Variants in RANBP2 observed in about 807,000 individuals in gnomAD.
RANBP2 encodes the protein RAN binding protein 2.
RANBP2 carries 57 observed loss-of-function variants against 303.6 expected under a neutral mutation model. The observed-to-expected ratio is 0.19, with a 90% CI of 0.15 to 0.23. RANBP2 has a LOEUF of 0.23. Ranked by LOEUF, RANBP2 falls within the 10% of genes least tolerant of loss-of-function variation. RANBP2 has a pLI of 1.00. For synonymous variants in RANBP2, 1,167 were observed against 1,301.5 expected, an observed-to-expected ratio of 0.90 and a Z score of 2.23; for missense variants, 3,138 against 3,780.8, an observed-to-expected ratio of 0.83 and a Z score of 4.46.
the RANBP2 span, among the ~76,000 whole-genome samples, chr2:109,046,005 T>C: frequency 1.3e-5 from 2 of 152,100 alleles, no homozygotes; most frequent in Non-Finnish European, 2.9e-5. Flanking sequence ...TATTAATTTA[T>C]ATTTTAAAAA....
chr2:109,170,224 C>T, the RANBP2 span, among the ~76,000 whole-genome samples: 2 of 72,052 alleles, frequency 2.8e-5, no homozygotes, highest in Admixed American at 1.6e-4. Context: ...TCTTTTTTCT[C>T]TTCTCTTCTC....
At chr2:109,142,021 C>T in the RANBP2 span, among the ~76,000 whole-genome samples, 1 of 148,850 alleles carries the variant, frequency 6.7e-6, no homozygotes, top group Non-Finnish European at 1.5e-5. Context: ...CCCAAGTCCT[C>T]TTCTGGGGTC....
chr2:109,249,711 G>A, the RANBP2 span, among the ~76,000 whole-genome samples: 3 of 150,128 alleles, frequency 2.0e-5, no homozygotes, highest in Non-Finnish European at 3.0e-5. Context: ...ACAGTGGTGC[G>A]ATCTCAGCTC....
chr2:109,078,098 A>ATATATATATATATAGCGTG, the RANBP2 span, among the ~76,000 whole-genome samples: 250 of 60,010 alleles, frequency 4.2e-3, 19 homozygotes, highest in East Asian at 0.016. Context: ...ATATATATAT[A>ATATATATATATATAGCGTG]TATATATATA....
At chr2:108,810,749 T>A in the RANBP2 span, among the ~76,000 whole-genome samples, 1 of 152,228 alleles carries the variant, frequency 6.6e-6, no homozygotes, top group Non-Finnish European at 1.5e-5. Flanking sequence ...TTTAAAAGTT[T>A]TAATTCAGCA....
At chr2:109,629,865 T>G in the RANBP2 span, among the ~76,000 whole-genome samples, 1 of 151,802 alleles carries the variant, frequency 6.6e-6, no homozygotes, top group Admixed American at 6.6e-5. Flanking sequence ...ACATACGTTA[T>G]GTACCCCGCT....
the RANBP2 span, among the ~76,000 whole-genome samples, chr2:108,851,504 A>G: frequency 6.6e-6 from 1 of 152,038 alleles, no homozygotes; most frequent in Non-Finnish European, 1.5e-5. Flanking sequence ...GTTTCACCAC[A>G]TTGGCCAGGC....
At position 108,765,077 on chromosome 2, in the gene RANBP2, C is replaced by T. The variant is rs762699213; in HGVS notation, c.4538C>T (p.Thr1513Ile). Residue 1513 changes from threonine to isoleucine, a missense_variant, in exon 20 of 29, where the codon ACT becomes ATT. This residue lies in a region of RANBP2 where 388 missense variants were observed against 328.5 expected (regional missense o/e 1.18). Coordinates refer to ENST00000283195, the MANE Select transcript of RANBP2 (RefSeq NM_006267.5). Reference sequence around the variant, plus strand: ...CCGAGAAAACAGAGTCTACCTGCTACTTCTATTCCAACACCTGCCTCTTTT... The same window carrying T: ...CCGAGAAAACAGAGTCTACCTGCTATTTCTATTCCAACACCTGCCTCTTTT... ...QNPRKQSLPA[T>I]SIPTPASFKF... 11 of 1,614,026 alleles carry T rather than the reference C, an allele frequency of 6.8e-6. No homozygotes were observed. In the South Asian group the frequency reaches 7.7e-5, roughly 11 times the overall value.
At chr2:109,594,242 T>C in the RANBP2 span, among the ~76,000 whole-genome samples, 21 of 150,030 alleles carry the variant, frequency 1.4e-4, no homozygotes, top group Non-Finnish European at 2.7e-4. Flanking sequence ...TGTCACATTA[T>C]TTAAAAAACA....
chr2:108,906,203 G>T, the RANBP2 span: 1 of 1,188,388 alleles, frequency 8.4e-7, no homozygotes, highest in Non-Finnish European at 1.3e-6. Flanking sequence ...CAACTGGATG[G>T]GCGGCTTCCC....
intron 2 of RANBP2, among the ~76,000 whole-genome samples, chr2:108,729,467 G>T (rs1197156990): frequency 1.3e-5 from 2 of 152,142 alleles, no homozygotes; most frequent in East Asian, 3.8e-4. Context: ...GTCTTCTGTT[G>T]GAGTAAAAGA....
chr2:109,079,585 G>T, the RANBP2 span, among the ~76,000 whole-genome samples: 4 of 152,232 alleles, frequency 2.6e-5, no homozygotes, highest in Admixed American at 6.5e-5. Context: ...TTCTGGCCCA[G>T]GGTGAGCCAT....
At chr2:108,964,143 A>C in the RANBP2 span, among the ~76,000 whole-genome samples, 1 of 152,246 alleles carries the variant, frequency 6.6e-6, no homozygotes, top group Non-Finnish European at 1.5e-5. Context: ...TGGGCAGCAC[A>C]GAAGATAGTC....
chr2:109,294,637 A>C, the RANBP2 span, among the ~76,000 whole-genome samples: 18 of 151,698 alleles, frequency 1.2e-4, no homozygotes, highest in Non-Finnish European at 2.6e-4. Context: ...GCATTCTTCC[A>C]TCTGATCATC....
At chr2:109,495,964 G>T in the RANBP2 span, among the ~76,000 whole-genome samples, 1 of 152,190 alleles carries the variant, frequency 6.6e-6, no homozygotes, top group Non-Finnish European at 1.5e-5. Flanking sequence ...TTCCTGGTGG[G>T]TTCGTGGTCT....
At chr2:109,036,006 ATAGAACT>A in the RANBP2 span, among the ~76,000 whole-genome samples, 2 of 152,350 alleles carry the variant, frequency 1.3e-5, no homozygotes. Context: ...CAAGTTGAAG[ATAGAACT>A]TAGAATCACA....
the RANBP2 span, among the ~76,000 whole-genome samples, chr2:109,652,190 C>T: frequency 3.9e-5 from 6 of 151,988 alleles, no homozygotes; most frequent in Admixed American, 1.3e-4. Context: ...GCTTCTGCTG[C>T]GCCACTATCC....
At chr2:108,929,114 C>T in the RANBP2 span, 1 of 1,512,988 alleles carries the variant, frequency 6.6e-7, no homozygotes, top group Non-Finnish European at 9.1e-7. Context: ...ATCCATGACC[C>T]CTGTTCCCAA....
the RANBP2 span, among the ~76,000 whole-genome samples, chr2:109,487,066 G>A: frequency 1.3e-5 from 2 of 152,180 alleles, no homozygotes; most frequent in African/African-American, 4.8e-5. Flanking sequence ...GGGAACGTTT[G>A]CAGAAGAAGG....
Sources: allele counts gnomAD v4.1 joint callset (sites outside exome capture counted in the v4.1 genomes callset), GRCh38; gene constraint gnomAD v4.1.1; regional missense constraint gnomAD v4.1.1; transcripts MANE v1.5; gene names NCBI Gene and HGNC (gene_info 2026-07-23, HGNC 2026-07-21).